The following CERKL variants were observed in gnomAD, a reference collection of about 807,000 sequenced individuals.
The protein encoded by CERKL is ceramide kinase-like protein.
A neutral mutation model predicts 63.4 loss-of-function variants in CERKL; 61 were observed. The observed-to-expected ratio is 0.96, with a 90% CI of 0.78 to 1.19. CERKL has a LOEUF of 1.19. CERKL is among the 50% of genes most tolerant of loss of function. The probability of loss-of-function intolerance (pLI) is 0.00; values close to 1 mark genes in which losing one functional copy is unlikely to be tolerated. For missense variants in CERKL, 675 were observed against 655.5 expected, an observed-to-expected ratio of 1.03 and a Z score of -0.33; for synonymous variants, 250 against 230.5, an observed-to-expected ratio of 1.08 and a Z score of -0.77.
intron 1 of CERKL, among the ~76,000 whole-genome samples, chr2:181,631,675 C>T (rs1210171136): frequency 6.6e-6 from 1 of 152,164 alleles, no homozygotes; most frequent in Non-Finnish European, 1.5e-5. Context: ...AAAACTTTGC[C>T]TCAAGCAAAG....
chr2:181,574,918 G>C (rs565298804), intron 2 of CERKL, among the ~76,000 whole-genome samples: 1 of 152,228 alleles, frequency 6.6e-6, no homozygotes, highest in East Asian at 1.9e-4. Flanking sequence ...AGTTTTAGAC[G>C]AGGAAGAGAT....
At chr2:181,641,361 A>T (rs74178507) in intron 1 of CERKL, among the ~76,000 whole-genome samples, 78,493 of 134,090 alleles carry the variant, frequency 0.59, 23,933 homozygotes, top group East Asian at 0.9. Context: ...ATATACACAT[A>T]TTTTTTTCCC....
intron 1 of CERKL, among the ~76,000 whole-genome samples, chr2:181,644,378 T>C (rs1266368919): frequency 6.6e-6 from 1 of 152,216 alleles, no homozygotes; most frequent in African/African-American, 2.4e-5. Flanking sequence ...TATTTTAACA[T>C]AAATAAACCC....
At chr2:181,579,203 C>T (rs1483438420) in intron 2 of CERKL, among the ~76,000 whole-genome samples, 1 of 151,884 alleles carries the variant, frequency 6.6e-6, no homozygotes, top group African/African-American at 2.4e-5. Context: ...GCACCTGGCA[C>T]AAAGTATTCA....
intron 2 of CERKL, among the ~76,000 whole-genome samples, chr2:181,574,557 G>A (rs1042429717): frequency 2.6e-5 from 4 of 152,148 alleles, no homozygotes; most frequent in Non-Finnish European, 5.9e-5. Flanking sequence ...GCTGAGATTT[G>A]ATACTACAAT....
At chr2:181,585,458 C>T (rs1246796213) in intron 2 of CERKL, among the ~76,000 whole-genome samples, 1 of 152,064 alleles carries the variant, frequency 6.6e-6, no homozygotes, top group Admixed American at 6.6e-5. Context: ...TAAAGGAAGT[C>T]TAAAATTACA....
At chr2:181,552,966 C>T (rs1403779127) in intron 5 of CERKL, among the ~76,000 whole-genome samples, 1 of 152,162 alleles carries the variant, frequency 6.6e-6, no homozygotes, top group Non-Finnish European at 1.5e-5. Flanking sequence ...TTTGTATGCA[C>T]AGTGACTTGG....
At chr2:181,584,061 G>A (rs1043908868) in intron 2 of CERKL, among the ~76,000 whole-genome samples, 2 of 152,166 alleles carry the variant, frequency 1.3e-5, no homozygotes, top group Non-Finnish European at 2.9e-5. Flanking sequence ...CACATTGGCA[G>A]AATAAAATGT....
In CERKL at chr2:181,568,389, C is replaced by T. The variant is rs115227897; in HGVS notation, c.614-2268G>A. Among the ~76,000 whole-genome samples, 1,204 of 152,302 alleles carry T rather than the reference C, an allele frequency of 7.9e-3. 19 individuals carry two copies. Among genetic ancestry groups the T allele is most frequent in the African/African-American group, 0.027 (1,125 of 41,568 alleles). On this transcript the variant is annotated intron_variant, in intron 3 of 12. Coordinates refer to ENST00000410087, the MANE Select transcript of CERKL (RefSeq NM_201548.5). ...TTGTGTTCCATCATCTACCCCAAGACAGGAAAATGACTTCTTTCTAGAGTG... is the reference window on the plus strand; with the variant it reads ...TTGTGTTCCATCATCTACCCCAAGATAGGAAAATGACTTCTTTCTAGAGTG...
chr2:181,565,525 C>G (rs779459612), intron 4 of CERKL: 1 of 1,559,854 alleles, frequency 6.4e-7, no homozygotes, highest in Non-Finnish European at 8.8e-7. Flanking sequence ...GAATAACATA[C>G]CTAAATTGTA....
rs530300671 is a variant in CERKL at position 181,642,743 on chromosome 2, T to TA, written c.238+14025dup. Among the ~76,000 whole-genome samples, 956 of 152,068 alleles carry TA rather than the reference T, an allele frequency of 6.3e-3. 16 individuals are homozygous for TA. Among genetic ancestry groups the TA allele is most frequent in the Non-Finnish European group, 6.4e-3 (434 of 67,986 alleles). ...TTCAAAGGCCTAGTTTTATTTTTTT[T>TA]AAAATCTTTGAAACATACTATTTGA... On this transcript the variant is annotated intron_variant, in intron 1 of 12. Transcript: ENST00000410087.
intron 5 of CERKL, among the ~76,000 whole-genome samples, chr2:181,557,676 C>A (rs1305067127): frequency 6.6e-6 from 1 of 152,100 alleles, no homozygotes; most frequent in Non-Finnish European, 1.5e-5. Flanking sequence ...TCAGGTTGCC[C>A]CCTTGCTCTG....
chr2:181,538,181 A>G lies in CERKL; in HGVS notation c.*3T>C. ...GTACATTTCTTTTAGAAACAATTAC[A>G]TGTTACTTTGGAATCATTTCTTCCA... On this transcript the variant is annotated 3_prime_UTR_variant, in exon 13 of 13. Coordinates refer to ENST00000410087, the MANE Select transcript of CERKL (RefSeq NM_201548.5). 6.5e-7 allele frequency: 1 copy of G among 1,549,734 alleles called. No individual in the cohort carries two copies. Among genetic ancestry groups the G allele is most frequent in the Non-Finnish European group, 8.9e-7 (1 of 1,123,024 alleles).
At chr2:181,556,244 T>TTA (rs58907861) in intron 5 of CERKL, among the ~76,000 whole-genome samples, 17,651 of 150,272 alleles carry the variant, frequency 0.12, 1,170 homozygotes, top group East Asian at 0.22. Context: ...AGGCTGTATA[T>TTA]TATATATATA....
At chr2:181,604,393 T>G (rs72885342) in intron 1 of CERKL, among the ~76,000 whole-genome samples, 1 of 152,066 alleles carries the variant, frequency 6.6e-6, no homozygotes, top group African/African-American at 2.4e-5. Context: ...ACCAAAAAAA[T>G]TCATCATTTG....
chr2:181,647,171 G>T (rs935279568), intron 1 of CERKL, among the ~76,000 whole-genome samples: 23 of 152,286 alleles, frequency 1.5e-4, no homozygotes, highest in African/African-American at 5.3e-4. Context: ...CATCTATTCT[G>T]TGGTCATGAA....
chr2:181,574,915 G>A (rs1259101738), intron 2 of CERKL, among the ~76,000 whole-genome samples: 5 of 152,150 alleles, frequency 3.3e-5, no homozygotes. Context: ...GAGAGTTTTA[G>A]ACGAGGAAGA....
chr2:181,566,584 G>A (rs1688675808), intron 3 of CERKL, among the ~76,000 whole-genome samples: 2 of 152,132 alleles, frequency 1.3e-5, no homozygotes, highest in Admixed American at 1.3e-4. Context: ...AATGTGTACT[G>A]GAACTGTTAG....
chr2:181,608,477 A>G (rs1331229023), intron 1 of CERKL, among the ~76,000 whole-genome samples: 2 of 152,112 alleles, frequency 1.3e-5, no homozygotes, highest in Non-Finnish European at 2.9e-5. Flanking sequence ...AGAAAAAATG[A>G]AAGTGATGAA....
Sources: gnomAD v4.1 joint callset for allele counts (sites outside exome capture counted in the v4.1 genomes callset) on GRCh38, gnomAD v4.1.1 for gene constraint, MANE v1.5 for transcripts, NCBI Gene and HGNC (gene_info 2026-07-23, HGNC 2026-07-21) for gene names.